Variants in ZNF385D observed in about 807,000 individuals in gnomAD.
The protein encoded by ZNF385D is zinc finger protein 659.
Under a neutral mutation model 35.8 loss-of-function variants are expected in ZNF385D, and 15 were observed. That is an observed-to-expected ratio of 0.42 (90% CI 0.28 to 0.64). The LOEUF (loss-of-function observed/expected upper bound fraction) is 0.64, where lower values mean the gene tolerates loss of function less well. ZNF385D is among the 30% of genes least tolerant of loss of function. ZNF385D has a pLI of 0.23. For missense variants in ZNF385D, 474 were observed against 494.6 expected, an observed-to-expected ratio of 0.96 and a Z score of 0.39; for synonymous variants, 212 against 186.8, an observed-to-expected ratio of 1.13 and a Z score of -1.10.
chr3:21,973,592 T>G (rs950466065), intron 3 of ZNF385D, among the ~76,000 whole-genome samples: 3 of 151,798 alleles, frequency 2.0e-5, no homozygotes, highest in Non-Finnish European at 4.4e-5. Flanking sequence ...GAGAAAGAAA[T>G]AAAGGCCATC....
intron 1 of ZNF385D, among the ~76,000 whole-genome samples, chr3:21,692,164 CTT>C (rs1183394128): frequency 6.6e-6 from 1 of 152,150 alleles, no homozygotes; most frequent in Non-Finnish European, 1.5e-5. Flanking sequence ...TCTCACAACA[CTT>C]TTCTGGGTGG....
At chr3:21,725,234 A>T (rs2068710029) in intron 1 of ZNF385D, among the ~76,000 whole-genome samples, 1 of 152,210 alleles carries the variant, frequency 6.6e-6, no homozygotes, top group Admixed American at 6.5e-5. Context: ...AAAGCAGGAA[A>T]GATCCAAAAT....
At chr3:22,156,286 A>G (rs1705574892) in intron 3 of ZNF385D, among the ~76,000 whole-genome samples, 2 of 152,240 alleles carry the variant, frequency 1.3e-5, no homozygotes, top group Non-Finnish European at 2.9e-5. Context: ...GGAATAAAGT[A>G]TACATACTCG....
intron 2 of ZNF385D, among the ~76,000 whole-genome samples, chr3:21,591,881 A>G (rs17552044): frequency 0.098 from 14,933 of 152,124 alleles, 949 homozygotes; most frequent in Non-Finnish European, 0.15. Flanking sequence ...TTCAGTTGCT[A>G]CACTACACTT....
intron 3 of ZNF385D, among the ~76,000 whole-genome samples, chr3:21,985,563 G>T (rs1400858639): frequency 8.5e-5 from 11 of 129,654 alleles, no homozygotes; most frequent in African/African-American, 2.9e-4. Flanking sequence ...GCTGGATTCA[G>T]TTTGCCAGTA....
At chr3:22,190,250 C>T (rs892722045) in intron 2 of ZNF385D, among the ~76,000 whole-genome samples, 1 of 152,112 alleles carries the variant, frequency 6.6e-6, no homozygotes, top group Non-Finnish European at 1.5e-5. Context: ...ATTTTAAGTT[C>T]AGGCTGACAT....
intron 3 of ZNF385D, among the ~76,000 whole-genome samples, chr3:21,950,693 G>A (rs865776327): frequency 3.6e-4 from 54 of 151,840 alleles, no homozygotes; most frequent in Middle Eastern, 6.8e-3. Flanking sequence ...TTACATTTAA[G>A]TCTTTAATCC....
intron 2 of ZNF385D, among the ~76,000 whole-genome samples, chr3:21,628,790 A>G (rs1021388954): frequency 1.3e-5 from 2 of 152,160 alleles, no homozygotes; most frequent in African/African-American, 4.8e-5. Flanking sequence ...AAAAGTGGGA[A>G]TAGAAGCACT....
At chr3:21,608,014 T>TTTTTTTTTTTTTTTTTTTTTTG (rs1559455167) in intron 2 of ZNF385D, among the ~76,000 whole-genome samples, 1 of 113,722 alleles carries the variant, frequency 8.8e-6, no homozygotes, top group Admixed American at 9.9e-5. Flanking sequence ...TTTTTCTTCT[T>TTTTTTTTTTTTTTTTTTTTTTG]TTTTTTTTGT....
chr3:21,675,633 C>G (rs1377378502), intron 1 of ZNF385D, among the ~76,000 whole-genome samples: 3 of 152,064 alleles, frequency 2.0e-5, no homozygotes, highest in Admixed American at 1.3e-4. Context: ...TTCAATTAAA[C>G]TTTGCCAGAG....
intron 3 of ZNF385D, among the ~76,000 whole-genome samples, chr3:22,012,336 T>G (rs1696628605): frequency 6.6e-6 from 1 of 152,172 alleles, no homozygotes; most frequent in Admixed American, 6.5e-5. Context: ...ATAAAATGTT[T>G]GGTCGATCCT....
At chr3:21,677,125 A>C (rs1234516136) in intron 1 of ZNF385D, among the ~76,000 whole-genome samples, 1 of 152,074 alleles carries the variant, frequency 6.6e-6, no homozygotes, top group Non-Finnish European at 1.5e-5. Flanking sequence ...TTAAAGCTAA[A>C]CTAACATGAA....
intron 2 of ZNF385D, among the ~76,000 whole-genome samples, chr3:22,170,788 T>C (rs1317750769): frequency 2.0e-5 from 3 of 152,156 alleles, no homozygotes; most frequent in Admixed American, 2.0e-4. Context: ...TTGTCTAGAG[T>C]TGATTTATGC....
intron 3 of ZNF385D, among the ~76,000 whole-genome samples, chr3:21,925,790 AC>A (rs1484624191): frequency 1.3e-5 from 2 of 152,256 alleles, no homozygotes; most frequent in South Asian, 2.1e-4. Context: ...AGTAAAAAAA[AC>A]CCAAGCAATC....
At chr3:22,053,098 C>T (rs1699358010) in intron 3 of ZNF385D, among the ~76,000 whole-genome samples, 1 of 80,686 alleles carries the variant, frequency 1.2e-5, no homozygotes. Flanking sequence ...CTCCCCCAGC[C>T]TCGTTGCCGC....
At chr3:21,956,467 G>A (rs899114667) in intron 3 of ZNF385D, among the ~76,000 whole-genome samples, 4 of 151,952 alleles carry the variant, frequency 2.6e-5, no homozygotes, top group African/African-American at 9.7e-5. Context: ...ACTCTACAGT[G>A]ATCTAATTGT....
chr3:22,039,893 G>C (rs987029355), intron 3 of ZNF385D, among the ~76,000 whole-genome samples: 1 of 152,058 alleles, frequency 6.6e-6, no homozygotes, highest in Non-Finnish European at 1.5e-5. Context: ...TTGACTGCTA[G>C]ACTGCTGCCA....
chr3:22,080,208 TTG>T (rs1444909088), intron 3 of ZNF385D, among the ~76,000 whole-genome samples: 1 of 152,134 alleles, frequency 6.6e-6, no homozygotes, highest in Non-Finnish European at 1.5e-5. Context: ...GGAAAAATCA[TTG>T]TGTTTTATCT....
chr3:22,070,866 T>C (rs1012606450), intron 3 of ZNF385D, among the ~76,000 whole-genome samples: 1 of 152,210 alleles, frequency 6.6e-6, no homozygotes. Flanking sequence ...TTAATCACTT[T>C]TGTTAAGTTT....
Sources: gnomAD v4.1 joint callset for allele counts (sites outside exome capture counted in the v4.1 genomes callset) on GRCh38, gnomAD v4.1.1 for gene constraint, MANE v1.5 for transcripts, NCBI Gene and HGNC (gene_info 2026-07-23, HGNC 2026-07-21) for gene names.